The following CHST11 variants were observed in gnomAD, a reference collection of about 807,000 sequenced individuals.
CHST11 encodes carbohydrate sulfotransferase 11.
Under a neutral mutation model 30.4 loss-of-function variants are expected in CHST11, and 9 were observed. That is an observed-to-expected ratio of 0.30 (90% CI 0.18 to 0.52). The LOEUF (loss-of-function observed/expected upper bound fraction) is 0.52. Among genes scored for constraint, CHST11 ranks in the 20% least tolerant of loss-of-function variants. The pLI is 0.97. For synonymous variants in CHST11, 152 were observed against 187.8 expected (o/e 0.81, Z 1.56); for missense variants, 348 against 460.6 (o/e 0.76, Z 2.24).
intron 1 of CHST11, among the ~76,000 whole-genome samples, chr12:104,597,850 T>C (rs922859952): frequency 6.6e-6 from 1 of 152,160 alleles, no homozygotes; most frequent in African/African-American, 2.4e-5. Flanking sequence ...ACTAGGGAGA[T>C]GTTTGACTTA....
At chr12:104,628,734 G>A (rs2039243591) in intron 2 of CHST11, among the ~76,000 whole-genome samples, 1 of 152,168 alleles carries the variant, frequency 6.6e-6, no homozygotes, top group African/African-American at 2.4e-5. Flanking sequence ...TGCACCTGCT[G>A]TTCTTTCTGC....
chr12:104,475,389 C>T (rs893519054), intron 1 of CHST11, among the ~76,000 whole-genome samples: 1 of 151,428 alleles, frequency 6.6e-6, no homozygotes, highest in African/African-American at 2.4e-5. Context: ...TAGGGGAGGT[C>T]AGGGAACTTG....
chr12:104,609,608 G>A (rs941693064), intron 2 of CHST11, among the ~76,000 whole-genome samples: 1 of 152,164 alleles, frequency 6.6e-6, no homozygotes, highest in African/African-American at 2.4e-5. Flanking sequence ...GAACTGGGGA[G>A]TCCCAGCCCA....
chr12:104,696,389 C>T (rs1444452683), intron 2 of CHST11, among the ~76,000 whole-genome samples: 1 of 148,730 alleles, frequency 6.7e-6, no homozygotes, highest in African/African-American at 2.5e-5. Flanking sequence ...GTAATCGCAG[C>T]ACTTTGGGAG....
At position 104,491,443 on chromosome 12, in the gene CHST11, CTCT is replaced by C. The variant is rs147243817; in HGVS notation, c.118+33934_118+33936del. The stretch of plus-strand genomic sequence containing the variant: ...GAAACAAGAACCACTTTACCTTAGT[CTCT>C]TCTTCTTCTTCTTCTTCTTTTCTTT... On this transcript the variant is annotated intron_variant, in intron 1 of 2. Transcript: ENST00000303694. Among the ~76,000 whole-genome samples, 40 of 151,616 alleles carry C rather than the reference CTCT, an allele frequency of 2.6e-4. 1 individual carries two copies. The highest frequency in any genetic ancestry group is 3.1e-4 in the Non-Finnish European group (21 of 67,938).
chr12:104,551,536 G>A (rs1272400429), intron 1 of CHST11, among the ~76,000 whole-genome samples: 2 of 152,166 alleles, frequency 1.3e-5, no homozygotes, highest in East Asian at 3.8e-4. Context: ...GAAGAAATGA[G>A]ATAATCGCCC....
chr12:104,618,219 CTTTTCTTT>C (rs1301502301), intron 2 of CHST11, among the ~76,000 whole-genome samples: 37 of 111,906 alleles, frequency 3.3e-4, no homozygotes, highest in South Asian at 1.9e-3. Flanking sequence ...TTCTTCTTTT[CTTTTCTTT>C]TTTTTTTTTT....
chr12:104,533,770 A>C (rs1381884862), intron 1 of CHST11, among the ~76,000 whole-genome samples: 1 of 152,232 alleles, frequency 6.6e-6, no homozygotes, highest in Non-Finnish European at 1.5e-5. Flanking sequence ...TGCAAGTGCC[A>C]ATCAATAAGC....
intron 2 of CHST11, among the ~76,000 whole-genome samples, chr12:104,606,179 G>GA (rs912752780): frequency 2.2e-5 from 3 of 135,528 alleles, no homozygotes; most frequent in South Asian, 2.8e-4. Context: ...GGGGGGCGGG[G>GA]GGGGGAATGG....
intron 2 of CHST11, among the ~76,000 whole-genome samples, chr12:104,670,258 G>C (rs1196547075): frequency 1.3e-5 from 2 of 152,134 alleles, no homozygotes; most frequent in African/African-American, 4.8e-5. Flanking sequence ...TGCTAACAGG[G>C]CTGTAGCAGA....
Position 104,757,532 on chromosome 12 carries a change from A to C in CHST11, c.788A>C (p.Tyr263Ser). Residue 263 changes from tyrosine (Y) to serine (S), a missense_variant, in exon 3 of 3, where the codon TAC becomes TCC. Physicochemically the swap from Tyr to Ser is moderately radical, Grantham distance 144 (BLOSUM62 -2). Around this residue, in one of 3 missense-constraint regions of CHST11, gnomAD observed 210 missense variants for 287.2 expected, o/e 0.73. Transcript: ENST00000303694. The surrounding 1 kb of genome is among the most constrained non-coding windows in gnomAD (Gnocchi z 6.5). ...EPFNEHWQTV[Y>S]SLCHPCHIHY... ...TTCAACGAACACTGGCAAACCGTCT[A>C]CTCACTCTGCCATCCCTGCCACATC... 1 of 1,613,958 alleles carries C rather than the reference A, an allele frequency of 6.2e-7. No homozygotes were observed. The highest frequency in any genetic ancestry group is 8.5e-7 in the Non-Finnish European group (1 of 1,179,964).
chr12:104,478,744 G>A (rs537602225), intron 1 of CHST11, among the ~76,000 whole-genome samples: 1 of 152,240 alleles, frequency 6.6e-6, no homozygotes, highest in African/African-American at 2.4e-5. Context: ...GAAAACCGGT[G>A]GGATTTAGCC....
At chr12:104,473,369 G>A (rs964122090) in intron 1 of CHST11, among the ~76,000 whole-genome samples, 6 of 152,184 alleles carry the variant, frequency 3.9e-5, no homozygotes, top group Non-Finnish European at 7.4e-5. Context: ...TGGTGCCCTA[G>A]CTTCACCCTC....
At chr12:104,643,305 G>A (rs1341915141) in intron 2 of CHST11, among the ~76,000 whole-genome samples, 1 of 152,212 alleles carries the variant, frequency 6.6e-6, no homozygotes, top group Non-Finnish European at 1.5e-5. Context: ...TCCAGCCTAG[G>A]CAATAGAACA....
At chr12:104,537,415 C>T (rs2038247206) in intron 1 of CHST11, among the ~76,000 whole-genome samples, 1 of 152,152 alleles carries the variant, frequency 6.6e-6, no homozygotes, top group Non-Finnish European at 1.5e-5. Flanking sequence ...AAGCAGTTAA[C>T]AGGGTGGGCT....
intron 2 of CHST11, among the ~76,000 whole-genome samples, chr12:104,739,951 G>C (rs1360722529): frequency 6.6e-6 from 1 of 152,236 alleles, no homozygotes; most frequent in East Asian, 1.9e-4. Context: ...CAGAGTTCCA[G>C]ACATCCTAGG....
intron 1 of CHST11, among the ~76,000 whole-genome samples, chr12:104,500,201 T>C (rs1385298226): frequency 1.3e-5 from 2 of 152,240 alleles, no homozygotes; most frequent in African/African-American, 4.8e-5. Flanking sequence ...TTTTATTACT[T>C]AGCATTAATA....
At chr12:104,569,970 G>A (rs2038608200) in intron 1 of CHST11, among the ~76,000 whole-genome samples, 2 of 152,140 alleles carry the variant, frequency 1.3e-5, no homozygotes, top group Admixed American at 1.3e-4. Context: ...CCCCTCCACG[G>A]TCTGCAACAT....
chr12:104,706,801 A>G (rs185856793), intron 2 of CHST11, among the ~76,000 whole-genome samples: 57 of 152,266 alleles, frequency 3.7e-4, no homozygotes, highest in African/African-American at 1.3e-3. Context: ...TTATATTTTA[A>G]TGTCCCAGGG....
Sources: allele counts gnomAD v4.1 joint callset (sites outside exome capture counted in the v4.1 genomes callset), GRCh38; gene constraint gnomAD v4.1.1; regional missense constraint gnomAD v4.1.1; non-coding constraint Gnocchi (gnomAD v3.1); transcripts MANE v1.5; gene names NCBI Gene and HGNC (gene_info 2026-07-23, HGNC 2026-07-21).